The following ESR1 variants were observed in gnomAD, a reference collection of about 807,000 sequenced individuals.
ESR1 encodes estrogen receptor 1, also known as estrogen receptor.
ESR1 carries 12 observed loss-of-function variants against 52.7 expected under a neutral mutation model. That is an observed-to-expected ratio of 0.23 (90% CI 0.15 to 0.37). The LOEUF (loss-of-function observed/expected upper bound fraction) is 0.37, where lower values mean the gene tolerates loss of function less well. Among genes scored for constraint, ESR1 ranks in the 10% least tolerant of loss-of-function variants. The pLI is 1.00. For synonymous variants in ESR1, 305 were observed against 316.8 expected (o/e 0.96, Z 0.39); for missense variants, 584 against 779.7 (o/e 0.75, Z 2.99).
intron 6 of ESR1, among the ~76,000 whole-genome samples, chr6:152,081,383 A>G (rs1002987477): frequency 6.6e-6 from 1 of 152,022 alleles, no homozygotes; most frequent in Non-Finnish European, 1.5e-5. Context: ...CTACTGGGTA[A>G]ATAACAAAAT....
chr6:151,785,849 A>T (rs1175852482), intron 2 of ESR1, among the ~76,000 whole-genome samples: 1 of 152,238 alleles, frequency 6.6e-6, no homozygotes, highest in Non-Finnish European at 1.5e-5. Context: ...ATTCAAGTAC[A>T]GGCACTTTGT....
intron 4 of ESR1, among the ~76,000 whole-genome samples, chr6:151,952,258 C>G (rs2036410988): frequency 6.6e-6 from 1 of 152,132 alleles, no homozygotes; most frequent in African/African-American, 2.4e-5. Context: ...CAGATTATGC[C>G]TCAGGGTGCC....
At chr6:152,105,812 G>T (rs1397468909), downstream of ESR1, among the ~76,000 whole-genome samples, 2 of 110,422 alleles carry the variant, frequency 1.8e-5, no homozygotes, top group African/African-American at 7.3e-5. Context: ...ACGGAGTCTC[G>T]CTCTGTCGCC....
Position 151,807,985 on chromosome 6 carries a change from C to G in ESR1, c.73C>G (p.Pro25Ala). The change falls in exon 1 of 8, where the codon CCC becomes GCC. Residue 25 changes from proline (P) to alanine (A), a missense_variant. Physicochemically the swap from Pro to Ala is conservative, Grantham distance 27. Around this residue, in one of 6 missense-constraint regions of ESR1, gnomAD observed 251 missense variants for 246.1 expected, o/e 1.02. Coordinates refer to ENST00000206249, the MANE Select transcript of ESR1 (RefSeq NM_000125.4). ...LHQIQGNELE[P>A]LNRPQLKIPL... ...TCAGATCCAAGGGAACGAGCTGGAG[C>G]CCCTGAACCGTCCGCAGCTCAAGAT... 1.2e-6 allele frequency: 2 copies of G among 1,614,000 alleles called. No homozygotes were observed. Among genetic ancestry groups the G allele is most frequent in the Non-Finnish European group, 1.7e-6 (2 of 1,179,986 alleles).
chr6:151,964,841 A>G (rs1463990348), intron 4 of ESR1, among the ~76,000 whole-genome samples: 2 of 151,908 alleles, frequency 1.3e-5, no homozygotes. Context: ...ACGGAGTTTC[A>G]CTGTGTTAGC....
intron 6 of ESR1, among the ~76,000 whole-genome samples, chr6:152,085,706 A>G (rs1279580928): frequency 6.6e-6 from 1 of 152,112 alleles, no homozygotes; most frequent in Non-Finnish European, 1.5e-5. Context: ...CAGCTGACAA[A>G]AAAAAAAAGT....
In ESR1 at chr6:152,094,325, G is replaced by A. The variant is rs2152495207; in HGVS notation, c.1370-60G>A. On this transcript the variant is annotated intron_variant, in intron 6 of 7. Transcript: ENST00000206249. This position sits in a 1 kb window ranked among gnomAD's most constrained non-coding sequence, Gnocchi z 4.6. Reference sequence around the variant, plus strand: ...ATTGTTACATCCCATGAACACTCTGGGTCTCCTAGACCTCATCCTCTTTGA... The same window carrying A: ...ATTGTTACATCCCATGAACACTCTGAGTCTCCTAGACCTCATCCTCTTTGA... 1 of 1,446,426 alleles carries A rather than the reference G, an allele frequency of 6.9e-7. No homozygotes were observed. The highest frequency in any genetic ancestry group is 9.7e-7 in the Non-Finnish European group (1 of 1,027,856). The allele number at this position is 1,446,426 out of a possible 1,614,324, so 89.6% of individuals were successfully genotyped here.
At chr6:152,004,294 A>G (rs2042170328) in intron 4 of ESR1, among the ~76,000 whole-genome samples, 1 of 151,992 alleles carries the variant, frequency 6.6e-6, no homozygotes, top group African/African-American at 2.4e-5. Flanking sequence ...AAGACCAATA[A>G]TTTTTCAAAG....
At chr6:151,785,548 G>A (rs1285552387) in intron 2 of ESR1, among the ~76,000 whole-genome samples, 1 of 152,096 alleles carries the variant, frequency 6.6e-6, no homozygotes, top group African/African-American at 2.4e-5. Flanking sequence ...AGCTTTTCTG[G>A]GAAGGTAAAA....
At chr6:151,839,537 A>G (rs1189551275) in intron 1 of ESR1, among the ~76,000 whole-genome samples, 2 of 152,220 alleles carry the variant, frequency 1.3e-5, no homozygotes, top group Non-Finnish European at 2.9e-5. Flanking sequence ...AAATATTTGT[A>G]TACTCATAGT....
At chr6:152,021,788 C>G in intron 5 of ESR1, among the ~76,000 whole-genome samples, 1 of 152,048 alleles carries the variant, frequency 6.6e-6, no homozygotes, top group East Asian at 1.9e-4. Context: ...GGTGGTTTCT[C>G]CCATACTCTT....
chr6:151,686,300 G>A (rs1345586223), upstream of ESR1, among the ~76,000 whole-genome samples: 2 of 152,060 alleles, frequency 1.3e-5, no homozygotes, highest in East Asian at 1.9e-4. Flanking sequence ...GTGTCATTGA[G>A]GATGGGTCAT....
chr6:152,113,460 A>G (rs538470457), intron 6 of ESR1, among the ~76,000 whole-genome samples: 12 of 152,088 alleles, frequency 7.9e-5, no homozygotes, highest in Non-Finnish European at 1.5e-4. Flanking sequence ...CTGAGTCCTC[A>G]GTTACCGCAG....
At chr6:151,950,721 A>C (rs2036233760) in intron 4 of ESR1, among the ~76,000 whole-genome samples, 1 of 152,078 alleles carries the variant, frequency 6.6e-6, no homozygotes, top group Admixed American at 6.5e-5. Flanking sequence ...CGGAAACTAG[A>C]AGGGGCAAGA....
At chr6:151,686,719 A>ACCAACCAC (rs1778703105), upstream of ESR1, among the ~76,000 whole-genome samples, 1 of 114,470 alleles carries the variant, frequency 8.7e-6, no homozygotes, top group South Asian at 2.8e-4. Context: ...CAACCAACCA[A>ACCAACCAC]CCAACCAACC....
chr6:152,029,613 C>T (rs929054325), intron 5 of ESR1, among the ~76,000 whole-genome samples: 1 of 152,186 alleles, frequency 6.6e-6, no homozygotes, highest in Non-Finnish European at 1.5e-5. Context: ...AAGAAATGAA[C>T]AAAGCCTCCA....
chr6:151,858,482 C>T (rs2128280036), intron 2 of ESR1, among the ~76,000 whole-genome samples: 1 of 152,158 alleles, frequency 6.6e-6, no homozygotes, highest in East Asian at 1.9e-4. Flanking sequence ...CACACATAGA[C>T]TAGATACACT....
intron 2 of ESR1, among the ~76,000 whole-genome samples, chr6:151,768,893 T>C (rs1405728075): frequency 6.6e-6 from 1 of 152,228 alleles, no homozygotes; most frequent in African/African-American, 2.4e-5. Context: ...TTCCTGCTGG[T>C]CAAAGAACCT....
At chr6:151,743,275 G>C (rs1310839011) in intron 2 of ESR1, among the ~76,000 whole-genome samples, 3 of 152,128 alleles carry the variant, frequency 2.0e-5, no homozygotes, top group Admixed American at 6.5e-5. Flanking sequence ...GGACTTGATC[G>C]TGGGGGCTTA....
Sources: gnomAD v4.1 joint callset for allele counts (sites outside exome capture counted in the v4.1 genomes callset) on GRCh38, gnomAD v4.1.1 for gene constraint, gnomAD v4.1.1 regional missense constraint, Gnocchi (gnomAD v3.1) non-coding constraint, MANE v1.5 for transcripts, NCBI Gene and HGNC (gene_info 2026-07-23, HGNC 2026-07-21) for gene names.